Variants in ATL2 observed in about 807,000 individuals in gnomAD.
The protein encoded by ATL2 is atlastin GTPase 2.
ATL2 carries 31 observed loss-of-function variants against 73.9 expected under a neutral mutation model. The ratio of observed to expected loss-of-function variants is 0.42; its 90% CI spans 0.32 to 0.57. The LOEUF (loss-of-function observed/expected upper bound fraction) is 0.57. Ranked by LOEUF, ATL2 falls within the 20% of genes least tolerant of loss-of-function variation. The probability of loss-of-function intolerance (pLI) is 0.14; values close to 1 mark genes in which losing one functional copy is unlikely to be tolerated. For missense variants in ATL2, 738 were observed against 702.6 expected, an observed-to-expected ratio of 1.05 and a Z score of -0.57; for synonymous variants, 291 against 237.5, an observed-to-expected ratio of 1.23 and a Z score of -2.07.
At chr2:38,360,292 C>CTTTTTTTTTTTTTTTTT (rs1553341329) in intron 1 of ATL2, among the ~76,000 whole-genome samples, 1 of 138,498 alleles carries the variant, frequency 7.2e-6, no homozygotes, top group Non-Finnish European at 1.5e-5. Context: ...GGGTGTTTTG[C>CTTTTTTTTTTTTTTTTT]TTATTTGTTT....
At chr2:38,317,665 A>G (rs1668097352) in intron 4 of ATL2, among the ~76,000 whole-genome samples, 1 of 152,190 alleles carries the variant, frequency 6.6e-6, no homozygotes, top group Admixed American at 6.5e-5. Flanking sequence ...CAGAATAAAA[A>G]ACTAGACTTC....
chr2:38,328,032 G>C lies in ATL2; in HGVS notation c.364-9013C>G, dbSNP rs553420153. On this transcript the variant is annotated intron_variant, in intron 2 of 12. Coordinates refer to ENST00000378954, the MANE Select transcript of ATL2 (RefSeq NM_001135673.4). ...ACTTTACAAAGACAGACACAGGTTAGAAGTAAAGGTATGGGAAAAACATAC... is the reference window on the plus strand; with the variant it reads ...ACTTTACAAAGACAGACACAGGTTACAAGTAAAGGTATGGGAAAAACATAC... 6.6e-5 allele frequency among the ~76,000 whole-genome samples: 10 copies of C among 152,286 alleles called. No individual in the cohort carries two copies. The South Asian group carries it at 2.1e-3, about 32-fold the overall frequency.
chr2:38,304,483 C>A (rs1019783070), intron 9 of ATL2, among the ~76,000 whole-genome samples: 1 of 152,088 alleles, frequency 6.6e-6, no homozygotes, highest in African/African-American at 2.4e-5. Flanking sequence ...AGTAAACACA[C>A]AGAAAAACAG....
chr2:38,330,524 A>C (rs1295324464), intron 2 of ATL2, among the ~76,000 whole-genome samples: 1 of 152,216 alleles, frequency 6.6e-6, no homozygotes, highest in African/African-American at 2.4e-5. Flanking sequence ...ATCCGCTAAA[A>C]AAATTATTGG....
chr2:38,352,133 CAAAAAA>C lies in ATL2; in HGVS notation c.119-8627_119-8622del, dbSNP rs778821586. 5.1e-3 allele frequency among the ~76,000 whole-genome samples: 164 copies of C among 31,998 alleles called. 3 individuals are homozygous for C. The highest frequency in any genetic ancestry group is 0.011 in the African/African-American group (147 of 13,442). 21.0% of individuals were successfully genotyped at this position (31,998 alleles called of 152,430 possible). A position where few individuals can be genotyped will look rare whatever the true frequency, so the allele number is the denominator to read the frequency against. ...TTCAAAAACAAACAAAAACAACAACCAAAAAAAAAAAAAAAAAAAAAAAAAAACCAC... is the reference window on the plus strand; with the variant it reads ...TTCAAAAACAAACAAAAACAACAACCAAAAAAAAAAAAAAAAAAAAACCAC... On this transcript the variant is annotated intron_variant, in intron 1 of 12. Transcript: ENST00000378954.
intron 4 of ATL2, among the ~76,000 whole-genome samples, chr2:38,317,058 T>C (rs1668061253): frequency 6.6e-6 from 1 of 152,098 alleles, no homozygotes; most frequent in Non-Finnish European, 1.5e-5. Context: ...CAGCCAACCT[T>C]CTTTCCACTC....
chr2:38,372,011 T>C (rs1671717004), intron 1 of ATL2, among the ~76,000 whole-genome samples: 1 of 152,164 alleles, frequency 6.6e-6, no homozygotes, highest in African/African-American at 2.4e-5. Flanking sequence ...AGTTAAAATG[T>C]TAAAGATGGA....
rs1669855188 is a variant in ATL2 at position 38,343,582 on chromosome 2, C to T, written c.119-70G>A. The T allele has an allele frequency of 6.9e-6, 10 of 1,449,198 alleles. 1 individual carries two copies. The South Asian group carries it at 1.2e-4, about 18-fold the overall frequency. The allele number at this position is 1,449,198 out of a possible 1,614,324, so 89.8% of individuals were successfully genotyped here. A position where few individuals can be genotyped will look rare whatever the true frequency, so the allele number is the denominator to read the frequency against. On this transcript the variant is annotated intron_variant, in intron 1 of 12. Transcript: ENST00000378954. ...TACGAACTTTCATTAAGGACCACAA[C>T]TAAAGCAAAATTTCAAGTAAGTAAT... is the stretch of plus-strand genomic sequence containing the variant.
At chr2:38,326,078 G>C (rs1263319066) in intron 2 of ATL2, among the ~76,000 whole-genome samples, 1 of 151,916 alleles carries the variant, frequency 6.6e-6, no homozygotes, top group Non-Finnish European at 1.5e-5. Context: ...TCTCAAAAAA[G>C]AATAAAAATA....
chr2:38,325,776 A>G (rs1053821599), intron 2 of ATL2, among the ~76,000 whole-genome samples: 13 of 148,088 alleles, frequency 8.8e-5, no homozygotes, highest in African/African-American at 3.2e-4. Context: ...CCCCACAACA[A>G]AAGCCTGCCC....
chr2:38,325,901 TTGTTTAAAAA>T (rs1269190085), intron 2 of ATL2, among the ~76,000 whole-genome samples: 564 of 56,106 alleles, frequency 0.01, 4 homozygotes, highest in African/African-American at 0.046. Context: ...GTTTGTTTGT[TTGTTTAAAAA>T]AAAAAAAAAA....
At chr2:38,354,711 G>C (rs950676723) in intron 1 of ATL2, among the ~76,000 whole-genome samples, 1 of 152,046 alleles carries the variant, frequency 6.6e-6, no homozygotes, top group East Asian at 1.9e-4. Flanking sequence ...CCAACATGGA[G>C]AAACCCTGTC....
Position 38,310,351 on chromosome 2 carries a change from G to A in ATL2, c.901C>T (p.Leu301Phe). The change falls in exon 8 of 13, where the codon CTT becomes TTT. Residue 301 changes from leucine (L) to phenylalanine (F), a missense_variant. By Grantham distance (22) the Leu-to-Phe change is conservative. Transcript: ENST00000378954. ...AAACTAGGATTAGTTGCAACTTTAA[G>A]ACCAGGATGTGGCAAAAGGAAGCAA... ...LGCFLLPHPG[L>F]KVATNPSFDG... 1 of 1,612,632 alleles carries A rather than the reference G, an allele frequency of 6.2e-7. No homozygotes were observed. The highest frequency in any genetic ancestry group is 8.5e-7 in the Non-Finnish European group (1 of 1,179,438).
chr2:38,299,495 G>A (rs1390966611), intron 10 of ATL2, among the ~76,000 whole-genome samples, 168 bp from the exon 11 acceptor site: 1 of 152,138 alleles, frequency 6.6e-6, no homozygotes, highest in Non-Finnish European at 1.5e-5. Flanking sequence ...AGGATATAAT[G>A]GTAAGTGGTT....
At chr2:38,342,207 T>C (rs987618462) in intron 2 of ATL2, among the ~76,000 whole-genome samples, 4 of 152,014 alleles carry the variant, frequency 2.6e-5, no homozygotes, top group South Asian at 2.1e-4. Flanking sequence ...TGAAAATGTA[T>C]AGAAGGGAAA....
chr2:38,305,071 T>C (rs1460778962), intron 9 of ATL2, among the ~76,000 whole-genome samples: 1 of 145,586 alleles, frequency 6.9e-6, no homozygotes, highest in Non-Finnish European at 1.5e-5. Context: ...TCCATGCAAA[T>C]GGAAACCAAA....
At chr2:38,321,144 G>C (rs1454551398) in intron 2 of ATL2, among the ~76,000 whole-genome samples, 1 of 152,166 alleles carries the variant, frequency 6.6e-6, no homozygotes, top group Non-Finnish European at 1.5e-5. Context: ...CTGCGCTCCA[G>C]CCTGGGCAAC....
chr2:38,354,622 G>A (rs943725271), intron 1 of ATL2, among the ~76,000 whole-genome samples: 2 of 152,164 alleles, frequency 1.3e-5, no homozygotes, highest in Non-Finnish European at 2.9e-5. Flanking sequence ...AGGTGTGGTG[G>A]CTCACGTCTG....
chr2:38,369,693 A>ATATT (rs1348880936), intron 1 of ATL2, among the ~76,000 whole-genome samples: 1 of 152,058 alleles, frequency 6.6e-6, no homozygotes, highest in African/African-American at 2.4e-5. Flanking sequence ...TGGAGGCTGC[A>ATATT]TATTTGAGAC....
Sources: allele counts gnomAD v4.1 joint callset (sites outside exome capture counted in the v4.1 genomes callset), GRCh38; gene constraint gnomAD v4.1.1; transcripts MANE v1.5; gene names NCBI Gene and HGNC (gene_info 2026-07-23, HGNC 2026-07-21).